Variants in ATXN3 observed in about 807,000 individuals in gnomAD.
ATXN3 encodes the protein ataxin-3.
In ATXN3, 28 loss-of-function variants were observed where a neutral mutation model predicts 58.2. The ratio of observed to expected loss-of-function variants is 0.48; its 90% CI spans 0.36 to 0.66. The LOEUF is 0.66. Among genes scored for constraint, ATXN3 ranks in the 30% least tolerant of loss-of-function variants. The pLI is 0.00. For missense variants in ATXN3, 321 were observed against 422.1 expected (o/e 0.76, Z 2.10); for synonymous variants, 113 against 138.5 (o/e 0.82, Z 1.29).
intron 2 of ATXN3, among the ~76,000 whole-genome samples, chr14:92,047,238 GACAA>G (rs1281839336): frequency 1.3e-5 from 2 of 152,176 alleles, no homozygotes; most frequent in Non-Finnish European, 2.9e-5. Flanking sequence ...AGGTATTGAG[GACAA>G]ACAAGTGTAT....
chr14:92,068,320 G>A (rs1595529055), intron 10 of ATXN3, among the ~76,000 whole-genome samples: 1 of 152,290 alleles, frequency 6.6e-6, no homozygotes, highest in South Asian at 2.1e-4. Context: ...GCTGACAGGG[G>A]TGAATGGGGC....
intron 3 of ATXN3, 29 bp downstream of exon 3, chr14:92,096,064 A>G (rs1156308631): frequency 6.5e-7 from 1 of 1,527,752 alleles, no homozygotes; most frequent in South Asian, 1.1e-5. Context: ...GATGTAAGCA[A>G]CACATAGTAC....
At chr14:92,100,532 G>C (rs1267817999) in intron 1 of ATXN3, among the ~76,000 whole-genome samples, 1 of 151,922 alleles carries the variant, frequency 6.6e-6, no homozygotes, top group Non-Finnish European at 1.5e-5. Context: ...TACAACAGTA[G>C]TTAATTAACA....
intron 10 of ATXN3, among the ~76,000 whole-genome samples, chr14:92,066,748 T>C (rs1274122359): frequency 1.3e-5 from 2 of 150,686 alleles, no homozygotes; most frequent in Non-Finnish European, 3.0e-5. Flanking sequence ...GCTGGGACTA[T>C]AGGCGCCCAC....
chr14:92,087,735 C>T (rs1017045213), intron 6 of ATXN3, among the ~76,000 whole-genome samples: 15 of 152,094 alleles, frequency 9.9e-5, no homozygotes, highest in African/African-American at 3.4e-4. Flanking sequence ...GCTTGGGCCC[C>T]ACAGTAGGGT....
chr14:92,082,382 C>T lies in ATXN3; in HGVS notation c.693G>A (p.Arg231=), dbSNP rs1433118935. The change falls in exon 8 of 11, where the codon AGG becomes AGA. Residue 231 remains arginine, a synonymous_variant. Coordinates refer to ENST00000644486, the MANE Select transcript of ATXN3 (RefSeq NM_004993.6). ...TTTCTTGGCGACTTAGTGCCAGAGC[C>T]CTCTGCAAATCCTCCTCATCTTCGT... ...MLDEDEEDLQ[R]ALALSRQEID... 2 of 1,613,714 alleles carry T rather than the reference C, an allele frequency of 1.2e-6. No individual in the cohort carries two copies. The highest frequency in any genetic ancestry group is 1.7e-5 in the Admixed American group (1 of 60,012).
At chr14:92,087,727 T>C (rs1370003729) in intron 6 of ATXN3, among the ~76,000 whole-genome samples, 4 of 152,164 alleles carry the variant, frequency 2.6e-5, no homozygotes, top group African/African-American at 4.8e-5. Flanking sequence ...AAGGAAATGC[T>C]TGGGCCCCAC....
chr14:92,102,181 GAC>G (rs2066980445), intron 1 of ATXN3, among the ~76,000 whole-genome samples: 1 of 150,208 alleles, frequency 6.7e-6, no homozygotes, highest in African/African-American at 2.5e-5. Flanking sequence ...CCAGCCTGGT[GAC>G]AGAGTGAGAC....
chr14:92,053,823 C>T (rs933163578), downstream of ATXN3, among the ~76,000 whole-genome samples: 6 of 151,982 alleles, frequency 3.9e-5, no homozygotes, highest in Non-Finnish European at 8.8e-5. Flanking sequence ...GATTGCTGGG[C>T]TGCAACATGA....
In ATXN3 at chr14:92,088,716, C is replaced by T. The variant is rs55676368; in HGVS notation, c.475+14G>A. ...TCGAAAGGTAACATTACAAAATGTTCAGCCGTTACTTACCTTCCTGTTGTA... is the reference window on the plus strand; with the variant it reads ...TCGAAAGGTAACATTACAAAATGTTTAGCCGTTACTTACCTTCCTGTTGTA... On this transcript the variant is annotated intron_variant, in intron 6 of 10. Transcript: ENST00000644486. The T allele has an allele frequency of 7.2e-4, 1,107 of 1,540,400 alleles. 11 individuals are homozygous for T. The African/African-American group carries it at 0.013, about 19-fold the overall frequency.
chr14:92,074,074 CACA>C (rs2059929867), intron 9 of ATXN3, among the ~76,000 whole-genome samples: 1 of 147,380 alleles, frequency 6.8e-6, no homozygotes, highest in South Asian at 2.2e-4. Flanking sequence ...TACCTGTAAT[CACA>C]ACACTTTGGG....
At chr14:92,065,918 G>A (rs1181239781) in intron 10 of ATXN3, among the ~76,000 whole-genome samples, 1 of 151,840 alleles carries the variant, frequency 6.6e-6, no homozygotes, top group East Asian at 1.9e-4. Context: ...CCAAATATTA[G>A]CCAAAGAGGC....
chr14:92,066,406 T>A (rs1281624455), intron 10 of ATXN3, among the ~76,000 whole-genome samples: 2 of 152,034 alleles, frequency 1.3e-5, no homozygotes, highest in East Asian at 3.9e-4. Context: ...TTTACCCATA[T>A]TTTACTCTTT....
intron 10 of ATXN3, among the ~76,000 whole-genome samples, chr14:92,067,567 T>G (rs1248885184): frequency 2.0e-5 from 3 of 152,162 alleles, no homozygotes; most frequent in African/African-American, 7.2e-5. Flanking sequence ...CAGCTAATTT[T>G]TGTATTTTTA....
chr14:92,099,996 C>G (rs955348931), intron 1 of ATXN3, among the ~76,000 whole-genome samples: 1 of 152,118 alleles, frequency 6.6e-6, no homozygotes, highest in Non-Finnish European at 1.5e-5. Context: ...GCAAGACAAA[C>G]AAGCACTTCA....
chr14:92,068,843 G>A (rs2058905239), intron 10 of ATXN3, among the ~76,000 whole-genome samples: 1 of 152,132 alleles, frequency 6.6e-6, no homozygotes, highest in Non-Finnish European at 1.5e-5. Context: ...ACCCGCCTCA[G>A]CCTCCCAAAG....
intron 9 of ATXN3, chr14:92,079,519 A>G: frequency 1.3e-6 from 1 of 772,218 alleles, no homozygotes; most frequent in South Asian, 5.9e-5. Context: ...TTATACCATC[A>G]AATGTAAAAT....
intron 2 of ATXN3, among the ~76,000 whole-genome samples, chr14:92,047,542 C>T (rs1316372125): frequency 6.6e-6 from 1 of 151,860 alleles, no homozygotes; most frequent in Non-Finnish European, 1.5e-5. Context: ...GTGGAGGTGT[C>T]CCATACTTGT....
At chr14:92,057,766 G>A (rs565062350), downstream of ATXN3, among the ~76,000 whole-genome samples, 116 of 152,192 alleles carry the variant, frequency 7.6e-4, no homozygotes, top group African/African-American at 2.7e-3. Flanking sequence ...GTCCAGAGTT[G>A]GATAAAATGA....
Sources: gnomAD v4.1 joint callset for allele counts (sites outside exome capture counted in the v4.1 genomes callset) on GRCh38, gnomAD v4.1.1 for gene constraint, MANE v1.5 for transcripts, NCBI Gene and HGNC (gene_info 2026-07-23, HGNC 2026-07-21) for gene names.